Variants in SRGAP2 observed in about 807,000 individuals in gnomAD.
SRGAP2 encodes the protein SLIT-ROBO Rho GTPase activating protein 2, also known as SLIT-ROBO Rho GTPase-activating protein 2.
SRGAP2 carries 15 observed loss-of-function variants against 57.2 expected under a neutral mutation model. The ratio of observed to expected loss-of-function variants is 0.26; its 90% CI spans 0.18 to 0.40. The LOEUF is 0.40. Ranked by LOEUF, SRGAP2 falls within the 10% of genes least tolerant of loss-of-function variation. The pLI, the probability that SRGAP2 is intolerant of heterozygous loss-of-function variation, is 1.00. For missense variants in SRGAP2, 520 were observed against 669.6 expected (o/e 0.78, Z 2.47); for synonymous variants, 249 against 248.0 (o/e 1.00, Z -0.04).
At chr1:206,427,562 C>G (rs1304134517) in intron 13 of SRGAP2, among the ~76,000 whole-genome samples, 2 of 152,106 alleles carry the variant, frequency 1.3e-5, no homozygotes, top group Admixed American at 1.3e-4. Flanking sequence ...TTCTCTCAGC[C>G]TGACTTTTTT....
intron 13 of SRGAP2, among the ~76,000 whole-genome samples, chr1:206,427,967 G>T: frequency 6.6e-6 from 1 of 152,162 alleles, no homozygotes; most frequent in South Asian, 2.1e-4. Flanking sequence ...GCTGGGTGTG[G>T]TCTGGGTACC....
At chr1:206,442,194 A>G (rs141414232) in intron 17 of SRGAP2, among the ~76,000 whole-genome samples, 190 of 152,152 alleles carry the variant, frequency 1.2e-3, no homozygotes, top group African/African-American at 4.5e-3. Context: ...GGCCCTTCAG[A>G]GCTACAGAGG....
rs1553334798 is a variant in SRGAP2, at chr1:206,340,219, T to G, written c.261-2627T>G. 2.0e-5 allele frequency among the ~76,000 whole-genome samples: 3 copies of G among 146,434 alleles called. No individual in the cohort carries two copies. The East Asian group carries it at 6.1e-4, about 30-fold the overall frequency. ...CTTTTGAGGACACCCTGGGGATATGTGCTCTGCATCCTTTTCCATGGTGTT... is the reference window on the plus strand; with the variant it reads ...CTTTTGAGGACACCCTGGGGATATGGGCTCTGCATCCTTTTCCATGGTGTT... On this transcript the variant is annotated intron_variant, in intron 3 of 22. Coordinates refer to ENST00000573034, the MANE Select transcript of SRGAP2 (RefSeq NM_015326.5).
At chr1:206,212,163 T>C (rs1553302565) in intron 2 of SRGAP2, among the ~76,000 whole-genome samples, 7 of 152,138 alleles carry the variant, frequency 4.6e-5, no homozygotes, top group East Asian at 1.9e-4. Flanking sequence ...AGGTGTAACA[T>C]AGGGGTGTTC....
Position 206,439,979 on chromosome 1 carries a change from T to C in SRGAP2, c.1772T>C (p.Met591Thr), listed in dbSNP as rs781794296. The C allele has an allele frequency of 5.1e-6, 4 of 780,696 alleles. No individual in the cohort carries two copies. The East Asian group carries it at 9.7e-5, about 19-fold the overall frequency. 48.4% of individuals were successfully genotyped at this position (780,696 alleles called of 1,614,324 possible). A position where few individuals can be genotyped will look rare whatever the true frequency, so the allele number is the denominator to read the frequency against. Residue 591 changes from methionine (M) to threonine (T), a missense_variant, in exon 17 of 23, where the codon ATG (methionine) becomes ACG (threonine). Physicochemically the swap from Met to Thr is moderately conservative, Grantham distance 81. This residue lies in a region of SRGAP2 where 478 missense variants were observed against 373.6 expected (regional missense o/e 1.28). Coordinates refer to ENST00000573034, the MANE Select transcript of SRGAP2 (RefSeq NM_015326.5). The part of the protein sequence containing the change: ...IFHDLMACVT[M>T]DNLQERALHI... ...CACATGGCTTTCTTCTTTTCAGCAA[T>C]GGACAACCTGCAGGAGAGAGCTCTG... is the stretch of plus-strand genomic sequence containing the variant.
chr1:206,258,071 TAGTC>T, intron 2 of SRGAP2, among the ~76,000 whole-genome samples: 1 of 152,058 alleles, frequency 6.6e-6, no homozygotes, highest in Non-Finnish European at 1.5e-5. Context: ...GAGCAAGTAA[TAGTC>T]AGTTGAGGGT....
intron 3 of SRGAP2, among the ~76,000 whole-genome samples, chr1:206,321,802 C>T (rs1475850099): frequency 2.0e-5 from 3 of 152,058 alleles, no homozygotes; most frequent in Non-Finnish European, 2.9e-5. Flanking sequence ...ATGTCCCCAT[C>T]GTTCTTTGAG....
rs1350568463 is a variant in SRGAP2, at chr1:206,413,702, C to T, written c.1357-2187C>T. ...TATTGAGTATCTGCTATCTGCTAGGCGTGGTAGTATCAGGGATGCAAAGGA... is the reference window on the plus strand; with the variant it reads ...TATTGAGTATCTGCTATCTGCTAGGTGTGGTAGTATCAGGGATGCAAAGGA... On this transcript the variant is annotated intron_variant, in intron 10 of 22. Coordinates refer to ENST00000573034, the MANE Select transcript of SRGAP2 (RefSeq NM_015326.5). Among the ~76,000 whole-genome samples, 6 of 152,076 alleles carry T rather than the reference C, an allele frequency of 3.9e-5. No individual in the cohort carries two copies. The East Asian group carries it at 5.8e-4, about 15-fold the overall frequency.
chr1:206,440,437 A>G (rs1225467741), intron 17 of SRGAP2, among the ~76,000 whole-genome samples: 1 of 152,144 alleles, frequency 6.6e-6, no homozygotes, highest in Non-Finnish European at 1.5e-5. Flanking sequence ...CTGAGAAGAC[A>G]GTGTACAAGC....
intron 3 of SRGAP2, among the ~76,000 whole-genome samples, chr1:206,322,528 C>T (rs1228014268): frequency 6.9e-6 from 1 of 145,146 alleles, no homozygotes; most frequent in Non-Finnish European, 1.5e-5. Flanking sequence ...TGCAGTGAGC[C>T]GAGATCGTGC....
At chr1:206,336,134 G>T (rs557146356) in intron 3 of SRGAP2, among the ~76,000 whole-genome samples, 5 of 110,360 alleles carry the variant, frequency 4.5e-5, no homozygotes, top group African/African-American at 1.8e-4. Flanking sequence ...AGAGCCACAA[G>T]AATCTTATTT....
chr1:206,462,811 C>G lies in SRGAP2; in HGVS notation c.*1391C>G, dbSNP rs1351817815. ...CCTTCCAAAATGCACAAATCATACCCTTGTCTGCTCCAATTCAGTCTCCAA... is the reference window on the plus strand; with the variant it reads ...CCTTCCAAAATGCACAAATCATACCGTTGTCTGCTCCAATTCAGTCTCCAA... On this transcript the variant is annotated 3_prime_UTR_variant, in exon 23 of 23. Coordinates refer to ENST00000573034, the MANE Select transcript of SRGAP2 (RefSeq NM_015326.5). 7 of 152,172 alleles carry G rather than the reference C, an allele frequency of 4.6e-5. No individual in the cohort carries two copies. Among genetic ancestry groups the G allele is most frequent in the African/African-American group, 7.2e-5 (3 of 41,442 alleles). 9.4% of individuals were successfully genotyped at this position (152,172 alleles called of 1,614,324 possible).
chr1:206,424,809 A>G (rs781816933), intron 13 of SRGAP2, among the ~76,000 whole-genome samples: 11 of 152,236 alleles, frequency 7.2e-5, no homozygotes, highest in Non-Finnish European at 1.5e-4. Flanking sequence ...AGAGAGGAGG[A>G]TGGCAGGAGC....
chr1:206,395,689 C>T (rs1453685453), intron 7 of SRGAP2, among the ~76,000 whole-genome samples: 11 of 151,456 alleles, frequency 7.3e-5, no homozygotes, highest in Non-Finnish European at 1.3e-4. Flanking sequence ...CCTTTTTCAC[C>T]GAAATACTGA....
intron 2 of SRGAP2, among the ~76,000 whole-genome samples, chr1:206,277,918 G>A (rs1258626120): frequency 6.6e-6 from 1 of 151,854 alleles, no homozygotes; most frequent in Non-Finnish European, 1.5e-5. Flanking sequence ...GTCAGGGTTT[G>A]CAGTGAGCCA....
chr1:206,426,207 A>T (rs186510811), intron 13 of SRGAP2, among the ~76,000 whole-genome samples: 23 of 152,320 alleles, frequency 1.5e-4, no homozygotes, highest in Non-Finnish European at 2.9e-5. Flanking sequence ...GCTTATAGAT[A>T]CAAGTGAGAA....
intron 3 of SRGAP2, among the ~76,000 whole-genome samples, chr1:206,333,935 C>G (rs1211117830): frequency 3.9e-5 from 6 of 152,192 alleles, no homozygotes; most frequent in Non-Finnish European, 8.8e-5. Flanking sequence ...TCTTATACCA[C>G]TCAGCCCTTT....
In SRGAP2 at chr1:206,375,307, C is replaced by A. The variant is rs536261132; in HGVS notation, c.424-8707C>A. On this transcript the variant is annotated intron_variant, in intron 4 of 22. Coordinates refer to ENST00000573034, the MANE Select transcript of SRGAP2 (RefSeq NM_015326.5). ...GTCCCAGTCTACTCAAGGATACCCA[C>A]AGTCACCTAGATACCATTTCTACTC... 4.6e-5 allele frequency among the ~76,000 whole-genome samples: 7 copies of A among 151,982 alleles called. No individual in the cohort carries two copies. The East Asian group carries it at 7.8e-4, about 17-fold the overall frequency.
chr1:206,448,741 C>A (rs1357390242), intron 18 of SRGAP2, among the ~76,000 whole-genome samples: 1 of 152,146 alleles, frequency 6.6e-6, no homozygotes, highest in African/African-American at 2.4e-5. Context: ...GCCTTTGAAC[C>A]TCTCCCCCGC....
Sources: allele counts gnomAD v4.1 joint callset (sites outside exome capture counted in the v4.1 genomes callset), GRCh38; gene constraint gnomAD v4.1.1; regional missense constraint gnomAD v4.1.1; transcripts MANE v1.5; gene names NCBI Gene and HGNC (gene_info 2026-07-23, HGNC 2026-07-21).